SCYL1: variants seen among roughly 807,000 people sequenced by gnomAD.
The protein encoded by SCYL1 is SCY1 like pseudokinase 1, also known as N-terminal kinase-like protein.
In SCYL1, 85 loss-of-function variants were observed where a neutral mutation model predicts 94.8. The ratio of observed to expected loss-of-function variants is 0.90; its 90% CI spans 0.75 to 1.07. The LOEUF (loss-of-function observed/expected upper bound fraction) is 1.07. Ranked by LOEUF, SCYL1 falls within the 50% of genes least tolerant of loss-of-function variation. The pLI is 0.00. For synonymous variants in SCYL1, 459 were observed against 435.5 expected, an observed-to-expected ratio of 1.05 and a Z score of -0.67; for missense variants, 968 against 1,083.3, an observed-to-expected ratio of 0.89 and a Z score of 1.49.
chr11:65,527,322 G>A (rs776611328), intron 6 of SCYL1, among the ~76,000 whole-genome samples: 1 of 152,120 alleles, frequency 6.6e-6, no homozygotes. Flanking sequence ...AGTACAGGTT[G>A]AGCATCCCTA....
At chr11:65,527,563 AC>A (rs1362357909) in intron 6 of SCYL1, among the ~76,000 whole-genome samples, 1 of 151,788 alleles carries the variant, frequency 6.6e-6, no homozygotes, top group Non-Finnish European at 1.5e-5. Flanking sequence ...ACATGGAGAA[AC>A]CCCATCTCTA....
intron 1 of SCYL1, 108 bp from the exon 2 acceptor site, chr11:65,525,466 G>A (rs1415453902): frequency 3.6e-6 from 5 of 1,379,684 alleles, no homozygotes; most frequent in Non-Finnish European, 4.8e-6. Context: ...ACGTGGGCCC[G>A]GCGAAGTGTC....
intron 6 of SCYL1, among the ~76,000 whole-genome samples, chr11:65,527,955 C>T (rs1487919121): frequency 1.3e-5 from 2 of 152,272 alleles, no homozygotes; most frequent in Middle Eastern, 3.4e-3. Flanking sequence ...TTACTCCAGT[C>T]ACTCCACGTG....
At chr11:65,528,660 T>C (rs142338626) in intron 6 of SCYL1, among the ~76,000 whole-genome samples, 2,703 of 151,646 alleles carry the variant, frequency 0.018, 48 homozygotes, top group Middle Eastern at 0.027. Flanking sequence ...CTCCAGAGGC[T>C]GAGGCGGGAG....
chr11:65,538,476 C>T lies in SCYL1; in HGVS notation c.2337C>T (p.Arg779=). The T allele has an allele frequency of 3.2e-6, 5 of 1,585,220 alleles. No individual in the cohort carries two copies. The highest frequency in any genetic ancestry group is 1.7e-6 in the Non-Finnish European group (2 of 1,167,684). The change falls in exon 18 of 18, where the codon CGC becomes CGT. Residue 779 remains arginine (R), a synonymous_variant. Coordinates refer to ENST00000270176, the MANE Select transcript of SCYL1 (RefSeq NM_020680.4). ...QVKAELARKK[R]EERRREMEAK... is the part of the protein sequence containing the mutation. ...AGGCTGAGCTGGCCCGGAAGAAGCG[C>T]GAGGAGCGGCGGCGGGAGATGGAGG... is the stretch of plus-strand genomic sequence containing the variant.
chr11:65,534,924 A>C (rs913174030), intron 9 of SCYL1, among the ~76,000 whole-genome samples: 6 of 151,416 alleles, frequency 4.0e-5, no homozygotes, highest in Non-Finnish European at 5.9e-5. Flanking sequence ...CAGTGACCTC[A>C]CCCTGAGCCA....
chr11:65,531,588 C>T lies in SCYL1; in HGVS notation c.1021C>T (p.Leu341=). 1 of 1,613,904 alleles carries T rather than the reference C, an allele frequency of 6.2e-7. No individual in the cohort carries two copies. Among genetic ancestry groups the T allele is most frequent in the Non-Finnish European group, 8.5e-7 (1 of 1,179,818 alleles). The part of the protein sequence containing the change: ...LTPLFKVGKF[L]SAEEYQQKII... ...CCTGCCCTTTCAGGTGGGCAAGTTC[C>T]TGAGCGCTGAGGAGTATCAGCAGAA... Residue 341 remains leucine (L), a synonymous_variant, in exon 8 of 18, where the codon CTG becomes TTG. Transcript: ENST00000270176.
intron 6 of SCYL1, among the ~76,000 whole-genome samples, chr11:65,528,246 C>CA (rs1473746764): frequency 6.6e-6 from 1 of 151,572 alleles, no homozygotes; most frequent in Non-Finnish European, 1.5e-5. Context: ...AGTTCGATAC[C>CA]AGCTGACGAC....
In SCYL1 at chr11:65,537,102, G is replaced by A. The variant is rs200518123; in HGVS notation, c.1933G>A (p.Asp645Asn). ...GGACAGCAGCACTGCTGACAGATGG[G>A]ACGACGAAGACTGGGGCAGCCTGGA... Reference protein sequence around the residue: ...AEDSSTADRWDDEDWGSLEQE... With the variant: ...AEDSSTADRWNDEDWGSLEQE... Residue 645 changes from aspartate (D) to asparagine (N), a missense_variant, in exon 14 of 18, where the codon GAC becomes AAC. Physicochemically the swap from Asp to Asn is conservative, Grantham distance 23. This residue lies in a region of SCYL1 where 474 missense variants were observed against 463.6 expected (regional missense o/e 1.02). Transcript: ENST00000270176. The A allele has an allele frequency of 1.4e-3, 2,256 of 1,614,078 alleles. 40 individuals are homozygous for A. The highest frequency in any genetic ancestry group is 2.8e-4 in the Non-Finnish European group (334 of 1,180,028).
At position 65,525,719 on chromosome 11, in the gene SCYL1, C is replaced by A. The variant is rs573569707; in HGVS notation, c.252+5C>A. On this transcript the variant is annotated splice_donor_5th_base_variant and intron_variant, in intron 2 of 17. Transcript: ENST00000270176. ...GCTTACATCGATGGACTGGAGGTAC[C>A]TGCTGCCTTGCCTGCCCGTCTCTGC... 1 of 1,612,522 alleles carries A rather than the reference C, an allele frequency of 6.2e-7. No individual in the cohort carries two copies. The highest frequency in any genetic ancestry group is 1.1e-5 in the South Asian group (1 of 91,050).
At chr11:65,528,463 A>G (rs1365208881) in intron 6 of SCYL1, among the ~76,000 whole-genome samples, 2 of 150,228 alleles carry the variant, frequency 1.3e-5, no homozygotes, top group East Asian at 3.9e-4. Context: ...AAAGAACACC[A>G]TAAATAAGAA....
At chr11:65,535,532 G>A (rs767316317) in intron 10 of SCYL1, 150 bp downstream of exon 10, 1 of 1,025,054 alleles carries the variant, frequency 9.8e-7, no homozygotes, top group Non-Finnish European at 1.4e-6. Flanking sequence ...TCCCAGAGGA[G>A]GAGTGAGTTG....
Position 65,538,448 on chromosome 11 carries a change from T to C in SCYL1, c.2309T>C (p.Val770Ala). 1 of 1,558,848 alleles carries C rather than the reference T, an allele frequency of 6.4e-7. No individual in the cohort carries two copies. Among genetic ancestry groups the C allele is most frequent in the Non-Finnish European group, 8.7e-7 (1 of 1,153,542 alleles). The change falls in exon 18 of 18, where the codon GTC (valine) becomes GCC (alanine). Residue 770 changes from valine (V) to alanine (A), a missense_variant. This residue lies in a region of SCYL1 where 474 missense variants were observed against 463.6 expected (regional missense o/e 1.02). Coordinates refer to ENST00000270176, the MANE Select transcript of SCYL1 (RefSeq NM_020680.4). Reference sequence around the variant, plus strand: ...CTCCCCTTCCTGACGCCAGGACAGGTCAAGGCTGAGCTGGCCCGGAAGAAG... The same window carrying C: ...CTCCCCTTCCTGACGCCAGGACAGGCCAAGGCTGAGCTGGCCCGGAAGAAG... ...WEGLETDSRQ[V>A]KAELARKKRE...
intron 9 of SCYL1, among the ~76,000 whole-genome samples, chr11:65,533,860 A>C (rs1855514752): frequency 6.6e-6 from 1 of 152,220 alleles, no homozygotes; most frequent in African/African-American, 2.4e-5. Flanking sequence ...AGGCGGGTGG[A>C]TCACCTGAGG....
chr11:65,528,269 C>T (rs1234310542), intron 6 of SCYL1, among the ~76,000 whole-genome samples: 1 of 151,830 alleles, frequency 6.6e-6, no homozygotes, highest in African/African-American at 2.4e-5. Flanking sequence ...GGAGAAACCC[C>T]ATCTCTACTA....
At chr11:65,531,459 C>T in intron 7 of SCYL1, 117 bp from the exon 8 acceptor site, 2 of 732,696 alleles carry the variant, frequency 2.7e-6, no homozygotes, top group Admixed American at 2.1e-5. Flanking sequence ...AATGCCTGCC[C>T]CCCCCTCCGC....
intron 6 of SCYL1, among the ~76,000 whole-genome samples, chr11:65,529,419 G>A (rs527852153): frequency 7.2e-5 from 11 of 152,220 alleles, no homozygotes; most frequent in Non-Finnish European, 1.5e-4. Flanking sequence ...GCAGTGCCCA[G>A]GGGCCCCTCT....
At chr11:65,537,639 A>AG in intron 14 of SCYL1, among the ~76,000 whole-genome samples, 170 bp from the exon 15 acceptor site, 1 of 152,114 alleles carries the variant, frequency 6.6e-6, no homozygotes, top group Non-Finnish European at 1.5e-5. Flanking sequence ...AAGAGGGGTG[A>AG]GGGCAGGCCA....
chr11:65,536,212 G>C, intron 11 of SCYL1, 47 bp from the exon 12 acceptor site: 1 of 1,608,246 alleles, frequency 6.2e-7, no homozygotes, highest in Non-Finnish European at 8.5e-7. Flanking sequence ...GGCCTGGTAG[G>C]TTCTTGGGAA....
Sources: gnomAD v4.1 joint callset for allele counts (sites outside exome capture counted in the v4.1 genomes callset) on GRCh38, gnomAD v4.1.1 for gene constraint, gnomAD v4.1.1 regional missense constraint, MANE v1.5 for transcripts, NCBI Gene and HGNC (gene_info 2026-07-23, HGNC 2026-07-21) for gene names.